Variants in PLAC9 observed in about 807,000 individuals in gnomAD.
PLAC9 encodes placenta-specific protein 9.
Under a neutral mutation model 11.5 loss-of-function variants are expected in PLAC9, and 12 were observed. The ratio of observed to expected loss-of-function variants is 1.05; its 90% CI spans 0.67 to 1.69. PLAC9 has a LOEUF of 1.69. PLAC9 is among the 40% of genes most tolerant of loss of function. PLAC9 has a pLI of 0.00. For missense variants in PLAC9, 132 were observed against 130.5 expected (o/e 1.01, Z -0.06); for synonymous variants, 62 against 58.1 (o/e 1.07, Z -0.31).
intron 2 of PLAC9, chr10:80,143,978 T>A: frequency 1.9e-6 from 1 of 532,826 alleles, no homozygotes; most frequent in Non-Finnish European, 3.4e-6. Context: ...AGGCGCTTCA[T>A]CCAAATCTGT....
At chr10:80,132,631 C>A (rs1844925038), upstream of PLAC9, 1 of 691,776 alleles carries the variant, frequency 1.4e-6, no homozygotes, top group South Asian at 2.4e-5. Flanking sequence ...CGGGTTCTCT[C>A]GAGCCAGAAA....
chr10:80,142,145 T>C lies in PLAC9; in HGVS notation c.128T>C (p.Met43Thr), dbSNP rs1845047915. 1.2e-6 allele frequency: 2 copies of C among 1,610,766 alleles called. No homozygotes were observed. The highest frequency in any genetic ancestry group is 1.7e-6 in the Non-Finnish European group (2 of 1,177,362). ...CAGAGCACAGCGTGTGACAGACACA[T>C]GGCTGTGCAACGCCGTCTAGATGTC... ...SAQSTACDRH[M>T]AVQRRLDVME... Residue 43 changes from methionine (M) to threonine (T), a missense_variant, in exon 2 of 4, where the codon ATG becomes ACG. Coordinates refer to ENST00000372263, the MANE Select transcript of PLAC9 (RefSeq NM_001012973.3).
intron 1 of PLAC9, among the ~76,000 whole-genome samples, chr10:80,135,703 G>A (rs935793815): frequency 2.6e-5 from 4 of 152,054 alleles, no homozygotes; most frequent in African/African-American, 7.2e-5. Context: ...TTTAGACCAT[G>A]AGCCACCACG....
At chr10:80,135,018 A>G (rs565317843) in intron 1 of PLAC9, among the ~76,000 whole-genome samples, 10 of 150,904 alleles carry the variant, frequency 6.6e-5, no homozygotes, top group East Asian at 2.0e-4. Context: ...TTGTTTGTTT[A>G]TTTATTTATT....
Position 80,142,066 on chromosome 10 carries a change from A to C in PLAC9, c.65-16A>C. On this transcript the variant is annotated splice_polypyrimidine_tract_variant and intron_variant, in intron 1 of 3. Transcript: ENST00000372263. ...AAACTAAGGGTCCCACAGTGACAAG[A>C]CTTGTTTTCCCACAGCTGCCGAACC... is the stretch of plus-strand genomic sequence containing the variant. 1 of 1,599,400 alleles carries C rather than the reference A, an allele frequency of 6.3e-7. No homozygotes were observed. The highest frequency in any genetic ancestry group is 8.6e-7 in the Non-Finnish European group (1 of 1,168,846).
rs115345620 is a variant in PLAC9, at chr10:80,144,987, G to T, written c.*77G>T. The T allele has an allele frequency of 1.8e-3, 2,785 of 1,512,168 alleles. 39 individuals are homozygous for T. The African/African-American group carries it at 0.027, about 14-fold the overall frequency. 93.7% of individuals were successfully genotyped at this position (1,512,168 alleles called of 1,614,324 possible). ...CCCACAGAACCAGCCCTGTCCTCTC[G>T]ACTTCCTTCCTTAGCTTCATGTGAA... On this transcript the variant is annotated 3_prime_UTR_variant, in exon 4 of 4. Transcript: ENST00000372263.
At chr10:80,144,782 C>T (rs1445464073) in intron 3 of PLAC9, 118 bp from the exon 4 acceptor site, 2 of 1,046,466 alleles carry the variant, frequency 1.9e-6, no homozygotes, top group African/African-American at 1.6e-5. Flanking sequence ...ATCCTTGTGT[C>T]CCGCGCGCAG....
At chr10:80,142,464 C>G (rs1845051536) in intron 2 of PLAC9, among the ~76,000 whole-genome samples, 1 of 152,142 alleles carries the variant, frequency 6.6e-6, no homozygotes, top group South Asian at 2.1e-4. Flanking sequence ...AGCCACGATT[C>G]CTAACTTGTG....
In PLAC9 at chr10:80,144,118, C is replaced by T. The variant is rs1288535380; in HGVS notation, c.163-105C>T. ...CAGGTCACTTAGCGCCCAGTCCTTT[C>T]CCACTGCACCGCACTGGACCGCCAG... On this transcript the variant is annotated intron_variant, in intron 2 of 3. Coordinates refer to ENST00000372263, the MANE Select transcript of PLAC9 (RefSeq NM_001012973.3). 3.3e-6 allele frequency: 5 copies of T among 1,516,974 alleles called. No homozygotes were observed. The Admixed American group carries it at 6.7e-5, about 20-fold the overall frequency. 94.0% of individuals were successfully genotyped at this position (1,516,974 alleles called of 1,614,324 possible).
At chr10:80,142,451 T>C (rs1353353222) in intron 2 of PLAC9, among the ~76,000 whole-genome samples, 5 of 152,190 alleles carry the variant, frequency 3.3e-5, no homozygotes, top group Non-Finnish European at 7.3e-5. Flanking sequence ...TGTTTTGTTA[T>C]ATAGCCACGA....
At chr10:80,140,153 T>C (rs141071731) in intron 1 of PLAC9, among the ~76,000 whole-genome samples, 25 of 152,214 alleles carry the variant, frequency 1.6e-4, no homozygotes, top group Admixed American at 5.2e-4. Flanking sequence ...AGGAAGTTCA[T>C]CCTTGGGTTC....
chr10:80,144,071 C>A, intron 2 of PLAC9, 152 bp from the exon 3 acceptor site: 4 of 1,010,814 alleles, frequency 4.0e-6, no homozygotes, highest in East Asian at 4.8e-5. Context: ...CAGGTAGGGG[C>A]AGAGCCTGAG....
chr10:80,136,287 A>G (rs1281931123), intron 1 of PLAC9, among the ~76,000 whole-genome samples: 2 of 152,102 alleles, frequency 1.3e-5, no homozygotes, highest in South Asian at 4.2e-4. Context: ...CGCAGCATCC[A>G]AGGAGGTCCA....
chr10:80,145,312 C>CATA lies in PLAC9; in HGVS notation c.*403_*404insTAA. ...CAAATCTGCATTGCAATGAGACCCC[C>CATA]AGGGATTTTATGTGTCCATTAAAGT... On this transcript the variant is annotated 3_prime_UTR_variant, in exon 4 of 4. Coordinates refer to ENST00000372263, the MANE Select transcript of PLAC9 (RefSeq NM_001012973.3). The CATA allele has an allele frequency of 3.2e-6, 1 of 310,170 alleles. No individual in the cohort carries two copies. Among genetic ancestry groups the CATA allele is most frequent in the South Asian group, 4.0e-5 (1 of 24,942 alleles). The allele number at this position is 310,170 out of a possible 1,614,324, so 19.2% of individuals were successfully genotyped here.
chr10:80,136,584 G>A (rs536749633), intron 1 of PLAC9, among the ~76,000 whole-genome samples: 13 of 152,130 alleles, frequency 8.5e-5, no homozygotes, highest in African/African-American at 2.6e-4. Flanking sequence ...CGATTCTCCC[G>A]CCTCAGCTTT....
chr10:80,135,608 G>A (rs1844966954), intron 1 of PLAC9, among the ~76,000 whole-genome samples: 1 of 151,974 alleles, frequency 6.6e-6, no homozygotes. Context: ...CAAAGTGCTG[G>A]GATTACAGGC....
At chr10:80,138,405 G>C (rs1337307810) in intron 1 of PLAC9, among the ~76,000 whole-genome samples, 1 of 152,100 alleles carries the variant, frequency 6.6e-6, no homozygotes, top group Non-Finnish European at 1.5e-5. Flanking sequence ...TCCCTCCCCA[G>C]ATTCAGCAAT....
At chr10:80,136,473 T>C (rs564964387) in intron 1 of PLAC9, among the ~76,000 whole-genome samples, 136 of 152,194 alleles carry the variant, frequency 8.9e-4, no homozygotes, top group African/African-American at 3.1e-3. Context: ...TTTTTATTCA[T>C]TTATTTATTT....
chr10:80,135,006 G>GTTTATTTA (rs1437009111), intron 1 of PLAC9, among the ~76,000 whole-genome samples: 1 of 98,886 alleles, frequency 1.0e-5, no homozygotes, highest in African/African-American at 4.1e-5. Flanking sequence ...ACCTTGGTTT[G>GTTTATTTA]TTTGTTTGTT....
Sources: allele counts gnomAD v4.1 joint callset (sites outside exome capture counted in the v4.1 genomes callset), GRCh38; gene constraint gnomAD v4.1.1; transcripts MANE v1.5; gene names NCBI Gene and HGNC (gene_info 2026-07-23, HGNC 2026-07-21).